ESRRG: variants seen among roughly 807,000 people sequenced by gnomAD.
The protein encoded by ESRRG is estrogen related receptor gamma.
In ESRRG, 13 loss-of-function variants were observed where a neutral mutation model predicts 44.0. The observed-to-expected ratio is 0.30, with a 90% confidence interval of 0.19 to 0.47. The LOEUF (loss-of-function observed/expected upper bound fraction) is 0.47. Ranked by LOEUF, ESRRG falls within the 20% of genes least tolerant of loss-of-function variation. The pLI is 1.00. For missense variants in ESRRG, 395 were observed against 580.6 expected (o/e 0.68, Z 3.29); for synonymous variants, 215 against 214.6 (o/e 1.00, Z -0.02).
chr1:216,845,945 C>A (rs2095739214), intron 2 of ESRRG, among the ~76,000 whole-genome samples: 2 of 152,090 alleles, frequency 1.3e-5, no homozygotes, highest in Non-Finnish European at 2.9e-5. Context: ...TCTATTGCAC[C>A]AAGAAGGAAA....
At chr1:216,717,258 T>C (rs1238321531) in intron 1 of ESRRG, among the ~76,000 whole-genome samples, 1 of 151,866 alleles carries the variant, frequency 6.6e-6, no homozygotes, top group Non-Finnish European at 1.5e-5. Flanking sequence ...TGAGAAATAT[T>C]GTCCAAATCA....
chr1:216,812,314 C>T (rs561539436), intron 2 of ESRRG, among the ~76,000 whole-genome samples: 13 of 152,210 alleles, frequency 8.5e-5, no homozygotes, highest in Non-Finnish European at 1.8e-4. Context: ...TATTGAACAA[C>T]CATAAGTAGA....
intron 1 of ESRRG, among the ~76,000 whole-genome samples, chr1:217,100,332 C>T (rs1302373700): frequency 2.0e-5 from 3 of 152,202 alleles, no homozygotes; most frequent in Non-Finnish European, 4.4e-5. Flanking sequence ...GACCCCAACA[C>T]TCTATAATAG....
chr1:216,528,956 G>T lies in ESRRG; in HGVS notation c.863-9535C>A, dbSNP rs146321809. On this transcript the variant is annotated intron_variant, in intron 5 of 6. Transcript: ENST00000408911. Reference sequence around the variant, plus strand: ...GAGTAAGGGCCCTTCCTATGATAAAGCAGCAGATTAGACAGTTACAAACAG... The same window carrying T: ...GAGTAAGGGCCCTTCCTATGATAAATCAGCAGATTAGACAGTTACAAACAG... Among the ~76,000 whole-genome samples the T allele has an allele frequency of 1.9e-3, 289 of 152,222 alleles. 3 individuals are homozygous for T. Among genetic ancestry groups the T allele is most frequent in the African/African-American group, 6.8e-3 (281 of 41,544 alleles).
At chr1:217,083,337 A>G (rs1279849339) in intron 1 of ESRRG, among the ~76,000 whole-genome samples, 5 of 152,260 alleles carry the variant, frequency 3.3e-5, no homozygotes, top group African/African-American at 1.2e-4. Context: ...ACTACTCGGT[A>G]TACTAATATT....
intron 3 of ESRRG, among the ~76,000 whole-genome samples, chr1:216,635,036 C>A (rs546497563): frequency 6.6e-6 from 1 of 152,138 alleles, no homozygotes; most frequent in African/African-American, 2.4e-5. Context: ...CACCAAGCCT[C>A]CTTCCAAACC....
At chr1:216,534,726 T>C (rs190156782) in intron 5 of ESRRG, among the ~76,000 whole-genome samples, 1 of 152,268 alleles carries the variant, frequency 6.6e-6, no homozygotes, top group Admixed American at 6.5e-5. Flanking sequence ...GTTTTACACA[T>C]AAATGTAAAA....
At chr1:216,910,652 G>A (rs142888228) in intron 2 of ESRRG, among the ~76,000 whole-genome samples, 1 of 152,186 alleles carries the variant, frequency 6.6e-6, no homozygotes, top group African/African-American at 2.4e-5. Flanking sequence ...TTATACTCTT[G>A]ATGTCAGGAA....
intron 2 of ESRRG, among the ~76,000 whole-genome samples, chr1:216,779,734 A>G (rs1233811940): frequency 6.7e-6 from 1 of 149,134 alleles, no homozygotes; most frequent in African/African-American, 2.5e-5. Flanking sequence ...AGGTAATTAG[A>G]AGTATCTTTG....
chr1:216,680,476 G>A (rs906375393), intron 1 of ESRRG, among the ~76,000 whole-genome samples: 10 of 152,058 alleles, frequency 6.6e-5, no homozygotes, highest in Admixed American at 4.6e-4. Context: ...CAAGGTAGAG[G>A]TGGCACGCAG....
At chr1:216,538,753 T>C (rs780120303) in intron 5 of ESRRG, among the ~76,000 whole-genome samples, 5 of 152,064 alleles carry the variant, frequency 3.3e-5, no homozygotes, top group Non-Finnish European at 7.4e-5. Flanking sequence ...ATGCACCCAA[T>C]TAACAGCAAT....
intron 1 of ESRRG, among the ~76,000 whole-genome samples, chr1:217,135,510 T>C (rs2102556244): frequency 6.6e-6 from 1 of 151,612 alleles, no homozygotes; most frequent in African/African-American, 2.4e-5. Context: ...GGCCAAGGAC[T>C]GAGCAAGGGG....
intron 5 of ESRRG, among the ~76,000 whole-genome samples, chr1:216,527,881 G>T (rs1008180439): frequency 6.6e-6 from 1 of 152,156 alleles, no homozygotes; most frequent in Non-Finnish European, 1.5e-5. Context: ...TGGATGTGAA[G>T]ATCTGCTGCT....
At chr1:216,747,170 GT>G (rs1253775431) in intron 2 of ESRRG, among the ~76,000 whole-genome samples, 3 of 152,130 alleles carry the variant, frequency 2.0e-5, no homozygotes. Flanking sequence ...TAGTTTTCCA[GT>G]TTTATTGATT....
rs898337865 is a variant in ESRRG at position 217,101,889 on chromosome 1, C to T, written c.-230+35778G>A. On this transcript the variant is annotated intron_variant, in intron 1 of 8. Transcript: ENST00000366940. ...TGATGCGATCTTGGCTCACCGCAAC[C>T]TCTGCCTCCCAGGTTCAAGTGATTC... Among the ~76,000 whole-genome samples, 8 of 152,160 alleles carry T rather than the reference C, an allele frequency of 5.3e-5. No homozygotes were observed. The South Asian group carries it at 1.5e-3, about 28-fold the overall frequency.
chr1:216,904,206 C>CT (rs927067837), intron 2 of ESRRG, among the ~76,000 whole-genome samples: 1 of 150,684 alleles, frequency 6.6e-6, no homozygotes, highest in Admixed American at 6.6e-5. Context: ...CAATCATCAC[C>CT]CCCCCCAACT....
chr1:216,597,521 G>C (rs144722269), intron 3 of ESRRG, among the ~76,000 whole-genome samples: 1 of 152,134 alleles, frequency 6.6e-6, no homozygotes, highest in African/African-American at 2.4e-5. Flanking sequence ...CATGTGTTAT[G>C]TAACTTAATT....
chr1:216,772,597 T>C (rs1426688555), intron 2 of ESRRG, among the ~76,000 whole-genome samples: 4 of 152,176 alleles, frequency 2.6e-5, no homozygotes, highest in Admixed American at 1.3e-4. Context: ...CCTCAATACA[T>C]GAGAACAGCA....
chr1:216,520,909 A>G (rs1051689239), intron 5 of ESRRG, among the ~76,000 whole-genome samples: 2 of 152,186 alleles, frequency 1.3e-5, no homozygotes, highest in Non-Finnish European at 2.9e-5. Flanking sequence ...GGTATCCCAT[A>G]TGATATTAGA....
Sources: allele counts gnomAD v4.1 joint callset (sites outside exome capture counted in the v4.1 genomes callset), GRCh38; gene constraint gnomAD v4.1.1; transcripts MANE v1.5; gene names NCBI Gene and HGNC (gene_info 2026-07-23, HGNC 2026-07-21).